The following RBM27 variants were observed in gnomAD, a reference collection of about 807,000 sequenced individuals.
RBM27 encodes the protein RNA binding motif protein 27, also known as RNA-binding protein 27.
RBM27 carries 22 observed loss-of-function variants against 135.3 expected under a neutral mutation model. The ratio of observed to expected loss-of-function variants is 0.16; its 90% CI spans 0.12 to 0.23. The LOEUF (loss-of-function observed/expected upper bound fraction) is 0.23. Among genes scored for constraint, RBM27 ranks in the 10% least tolerant of loss-of-function variants. The pLI, the probability that RBM27 is intolerant of heterozygous loss-of-function variation, is 1.00. For synonymous variants in RBM27, 481 were observed against 442.4 expected (o/e 1.09, Z -1.10); for missense variants, 1,009 against 1,281.0 (o/e 0.79, Z 3.24).
At chr5:146,275,999 G>A (rs1759077042) in intron 19 of RBM27, among the ~76,000 whole-genome samples, 1 of 151,896 alleles carries the variant, frequency 6.6e-6, no homozygotes, top group African/African-American at 2.4e-5. Flanking sequence ...CCTTTTATTA[G>A]GCTTTTTTCC....
intron 2 of RBM27, among the ~76,000 whole-genome samples, chr5:146,220,577 G>A (rs983297307): frequency 6.6e-6 from 1 of 151,480 alleles, no homozygotes; most frequent in Non-Finnish European, 1.5e-5. Flanking sequence ...TTAGCTATTG[G>A]TGATGAGAAG....
intron 1 of RBM27, among the ~76,000 whole-genome samples, chr5:146,212,032 A>T (rs1048163130): frequency 6.6e-6 from 1 of 151,854 alleles, no homozygotes; most frequent in Non-Finnish European, 1.5e-5. Context: ...TTTTATAACC[A>T]TCACTTTGGT....
chr5:146,239,472 CTTTTTTTTTTT>C (rs916182587), intron 8 of RBM27, among the ~76,000 whole-genome samples: 59 of 55,374 alleles, frequency 1.1e-3, no homozygotes, highest in African/African-American at 2.5e-3. Context: ...TTTTCCTTTT[CTTTTTTTTTTT>C]TTTTTTTTTT....
chr5:146,245,409 C>T (rs191072867), intron 8 of RBM27, among the ~76,000 whole-genome samples: 1 of 152,066 alleles, frequency 6.6e-6, no homozygotes, highest in South Asian at 2.1e-4. Flanking sequence ...TAAGTTCGTT[C>T]GTTGTACTGG....
chr5:146,246,935 C>G (rs941106691), intron 8 of RBM27, among the ~76,000 whole-genome samples: 5 of 150,452 alleles, frequency 3.3e-5, no homozygotes, highest in Non-Finnish European at 7.4e-5. Context: ...ACAATCTTGG[C>G]TCACTGCAGT....
In RBM27 at chr5:146,203,739, G is replaced by A. The variant is rs756780610; in HGVS notation, c.-27G>A. ...ACCCACGGCAGGCCTGAAGAAGAGC[G>A]GCGGCCGAGCCCGCCTTCCCTGCAC... On this transcript the variant is annotated 5_prime_UTR_variant, in exon 1 of 21. Transcript: ENST00000265271. 41 of 1,548,050 alleles carry A rather than the reference G, an allele frequency of 2.6e-5. No individual in the cohort carries two copies. The highest frequency in any genetic ancestry group is 3.5e-5 in the Non-Finnish European group (40 of 1,145,256).
chr5:146,204,210 C>A (rs1247136418), intron 1 of RBM27, among the ~76,000 whole-genome samples: 1 of 152,084 alleles, frequency 6.6e-6, no homozygotes, highest in Non-Finnish European at 1.5e-5. Flanking sequence ...AAGGGAATAG[C>A]AGAATATCAA....
At position 146,270,987 on chromosome 5, in the gene RBM27, C is replaced by A; in HGVS notation, c.2725C>A (p.Leu909Ile). ...GGAGTTATTAGATACTGAACTGGAC[C>A]TCCACAAGAGGCTGTCCTCAGGAGA... ...QKELLDTELD[L>I]HKRLSSGEDT... is the part of the protein sequence containing the mutation. The change falls in exon 18 of 21, where the codon CTC becomes ATC. Residue 909 changes from leucine (L) to isoleucine (I), a missense_variant. Physicochemically the swap from Leu to Ile is conservative, Grantham distance 5. This residue lies in a region of RBM27 where 355 missense variants were observed against 427.3 expected (regional missense o/e 0.83). Transcript: ENST00000265271. 1.2e-6 allele frequency: 2 copies of A among 1,613,384 alleles called. No homozygotes were observed. The highest frequency in any genetic ancestry group is 1.7e-6 in the Non-Finnish European group (2 of 1,179,524).
chr5:146,224,938 T>A (rs780443093), intron 3 of RBM27, among the ~76,000 whole-genome samples: 1 of 152,150 alleles, frequency 6.6e-6, no homozygotes, highest in African/African-American at 2.4e-5. Flanking sequence ...ACATACTTCA[T>A]GTCTTTTCAC....
intron 19 of RBM27, 48 bp from the exon 20 acceptor site, chr5:146,284,574 T>A (rs1205085555): frequency 1.4e-5 from 16 of 1,165,194 alleles, no homozygotes; most frequent in Admixed American, 1.8e-5. Flanking sequence ...CAGAAATCAT[T>A]AGTAAATTTG....
intron 1 of RBM27, among the ~76,000 whole-genome samples, chr5:146,211,698 C>A (rs1212053838): frequency 6.6e-6 from 1 of 151,580 alleles, no homozygotes; most frequent in African/African-American, 2.4e-5. Context: ...TCAGGCTGGT[C>A]TCGAACTCCT....
At chr5:146,225,111 AT>A (rs1302837430) in intron 3 of RBM27, among the ~76,000 whole-genome samples, 1 of 151,764 alleles carries the variant, frequency 6.6e-6, no homozygotes, top group Admixed American at 6.6e-5. Flanking sequence ...TCCTTTTTTT[AT>A]TTCCTTTTAA....
chr5:146,234,381 A>C (rs1430588219), intron 7 of RBM27, among the ~76,000 whole-genome samples: 1 of 152,058 alleles, frequency 6.6e-6, no homozygotes, highest in Non-Finnish European at 1.5e-5. Flanking sequence ...TTTGTCTCAT[A>C]TTTTCCCTTC....
At chr5:146,282,180 A>G (rs960625629) in intron 19 of RBM27, among the ~76,000 whole-genome samples, 6 of 151,668 alleles carry the variant, frequency 4.0e-5, no homozygotes, top group African/African-American at 9.7e-5. Context: ...TAATTTTTGT[A>G]TTTTTAGTAG....
chr5:146,280,470 A>G (rs1450863661), intron 19 of RBM27, among the ~76,000 whole-genome samples: 4 of 152,204 alleles, frequency 2.6e-5, no homozygotes, highest in Admixed American at 1.3e-4. Context: ...CAAACACCTA[A>G]TATACCTATA....
intron 19 of RBM27, among the ~76,000 whole-genome samples, chr5:146,282,000 C>CTTTTTTTTTTT (rs777368235): frequency 2.0e-5 from 2 of 101,500 alleles, no homozygotes; most frequent in African/African-American, 4.0e-5. Flanking sequence ...TATTTTTCAT[C>CTTTTTTTTTTT]TTTTTTTTTT....
intron 8 of RBM27, among the ~76,000 whole-genome samples, chr5:146,249,932 T>C (rs536776404): frequency 2.0e-5 from 3 of 152,056 alleles, no homozygotes; most frequent in Non-Finnish European, 4.4e-5. Context: ...CCATTAGAAA[T>C]GTAAATTTTA....
intron 19 of RBM27, among the ~76,000 whole-genome samples, chr5:146,278,962 C>T (rs1212531237): frequency 6.6e-6 from 1 of 151,704 alleles, no homozygotes; most frequent in Non-Finnish European, 1.5e-5. Flanking sequence ...ACCTCGTGAT[C>T]TGCCCGCCTC....
chr5:146,233,426 C>A (rs1360860919), intron 6 of RBM27, 24 bp from the exon 7 acceptor site: 2 of 1,502,464 alleles, frequency 1.3e-6, no homozygotes, highest in Non-Finnish European at 1.8e-6. Context: ...TAATAAGATT[C>A]TTTTTTTATT....
Sources: allele counts gnomAD v4.1 joint callset (sites outside exome capture counted in the v4.1 genomes callset), GRCh38; gene constraint gnomAD v4.1.1; regional missense constraint gnomAD v4.1.1; transcripts MANE v1.5; gene names NCBI Gene and HGNC (gene_info 2026-07-23, HGNC 2026-07-21).